The following CUX1 variants were observed in gnomAD, a reference collection of about 807,000 sequenced individuals.
The protein encoded by CUX1 is cut like homeobox 1, also known as protein CASP.
Under a neutral mutation model 158.8 loss-of-function variants are expected in CUX1, and 31 were observed. The observed-to-expected ratio is 0.20, with a 90% CI of 0.15 to 0.26. The LOEUF (loss-of-function observed/expected upper bound fraction) is 0.26. Ranked by LOEUF, CUX1 falls within the 10% of genes least tolerant of loss-of-function variation. CUX1 has a pLI of 1.00. For synonymous variants in CUX1, 879 were observed against 862.1 expected (o/e 1.02, Z -0.34); for missense variants, 1,589 against 2,014.6 (o/e 0.79, Z 4.04).
Position 102,257,881 on chromosome 7 carries a change from GA to G in CUX1, c.*8850del, listed in dbSNP as rs1176575458. 8,721 of 644,186 alleles carry G rather than the reference GA, an allele frequency of 0.014. 6 individuals are homozygous for G. Among genetic ancestry groups the G allele is most frequent in the Non-Finnish European group, 0.015 (8,037 of 526,944 alleles). The allele number at this position is 644,186 out of a possible 1,614,324, so 39.9% of individuals were successfully genotyped here. On this transcript the variant is annotated 3_prime_UTR_variant, in exon 24 of 24. Transcript: ENST00000292535. ...CCCAATTGACCAAAAAAGAAAAAAGGAAAAAAAAAAAGTCGTCTTTTTTTTT... is the reference window on the plus strand; with the variant it reads ...CCCAATTGACCAAAAAAGAAAAAAGGAAAAAAAAAAGTCGTCTTTTTTTTT...
At chr7:102,277,293 T>C (rs1408235582) in intron 17 of CUX1, among the ~76,000 whole-genome samples, 1 of 151,570 alleles carries the variant, frequency 6.6e-6, no homozygotes, top group Admixed American at 6.6e-5. Flanking sequence ...CAAGACCCTG[T>C]CTCTAAAATA....
chr7:102,176,033 G>A (rs1792279483), intron 10 of CUX1, among the ~76,000 whole-genome samples: 1 of 152,230 alleles, frequency 6.6e-6, no homozygotes, highest in Non-Finnish European at 1.5e-5. Flanking sequence ...TGGTAAATAA[G>A]CCGACAGGAG....
At chr7:102,266,087 C>T (rs1333952656) in intron 14 of CUX1, among the ~76,000 whole-genome samples, 2 of 151,756 alleles carry the variant, frequency 1.3e-5, no homozygotes, top group African/African-American at 4.8e-5. Flanking sequence ...GCTTGTAGTC[C>T]CAGCTGCTCG....
chr7:102,133,454 G>GA (rs1833543702), intron 8 of CUX1, among the ~76,000 whole-genome samples: 3 of 132,330 alleles, frequency 2.3e-5, no homozygotes, highest in African/African-American at 8.3e-5. Context: ...ATTGGACCCA[G>GA]AAAAAAATAC....
chr7:102,076,149 G>A (rs999828620), intron 4 of CUX1, among the ~76,000 whole-genome samples: 7 of 152,168 alleles, frequency 4.6e-5, no homozygotes, highest in Non-Finnish European at 8.8e-5. Context: ...TTGGGAGGCC[G>A]AAGCAGGCAG....
At chr7:101,981,007 A>C (rs535362794) in intron 2 of CUX1, among the ~76,000 whole-genome samples, 73 of 152,270 alleles carry the variant, frequency 4.8e-4, no homozygotes, top group Non-Finnish European at 9.6e-4. Context: ...TTGGTGCAAA[A>C]GTCATTGTGG....
intron 2 of CUX1, among the ~76,000 whole-genome samples, chr7:101,973,020 A>G (rs1445312283): frequency 1.3e-5 from 2 of 152,016 alleles, no homozygotes; most frequent in Non-Finnish European, 2.9e-5. Flanking sequence ...TAAAAATGAC[A>G]CTCGGGTTTT....
In CUX1 at chr7:101,895,620, G is replaced by A. The variant is rs192302540; in HGVS notation, c.31-20495G>A. On this transcript the variant is annotated intron_variant, in intron 1 of 23. Transcript: ENST00000292535. ...CAGCTCTGCATTGCAGCCCCAAAAG[G>A]AGCCTGCATTCTTAAAAGAATTTTA... Among the ~76,000 whole-genome samples, 467 of 152,278 alleles carry A rather than the reference G, an allele frequency of 3.1e-3. 13 individuals are homozygous for A. Among genetic ancestry groups the A allele is most frequent in the Admixed American group, 0.029 (451 of 15,290 alleles).
intron 1 of CUX1, among the ~76,000 whole-genome samples, chr7:101,874,956 A>G (rs1288751068): frequency 6.6e-6 from 1 of 152,168 alleles, no homozygotes; most frequent in African/African-American, 2.4e-5. Context: ...GTTAGACCTC[A>G]TTCCACCCCT....
At chr7:102,112,128 T>C (rs1830960028) in intron 7 of CUX1, 2 of 176,342 alleles carry the variant, frequency 1.1e-5, no homozygotes, top group Non-Finnish European at 2.4e-5. Flanking sequence ...AAAACTCACT[T>C]CTACCCTAAG....
At chr7:101,988,965 G>C (rs1814713205) in intron 2 of CUX1, among the ~76,000 whole-genome samples, 1 of 151,900 alleles carries the variant, frequency 6.6e-6, no homozygotes, top group African/African-American at 2.4e-5. Context: ...TGCCATTCCA[G>C]CCTGGGAAAC....
At position 101,869,749 on chromosome 7, in the gene CUX1, C is replaced by T. The variant is rs1006904709; in HGVS notation, c.31-46366C>T. ...GGGAGCTCACAGGCTGCAGAGGAAG[C>T]GCAGGGGAGGCGCAGGGGAGGCCAG... On this transcript the variant is annotated intron_variant, in intron 1 of 23. Coordinates refer to ENST00000292535, the MANE Select transcript of CUX1 (RefSeq NM_181552.4). This position sits in a 1 kb window ranked among gnomAD's most constrained non-coding sequence, Gnocchi z 4.5. Among the ~76,000 whole-genome samples, 11 of 152,082 alleles carry T rather than the reference C, an allele frequency of 7.2e-5. No homozygotes were observed. Among genetic ancestry groups the T allele is most frequent in the Non-Finnish European group, 7.4e-5 (5 of 67,992 alleles).
chr7:102,274,134 C>A (rs1321459556), intron 15 of CUX1: 15 of 1,066,206 alleles, frequency 1.4e-5, no homozygotes, highest in Non-Finnish European at 1.9e-5. Flanking sequence ...CGGATGGCCC[C>A]ACCCACTCCT....
chr7:101,931,152 G>C (rs1003031004), intron 2 of CUX1, among the ~76,000 whole-genome samples: 1 of 152,190 alleles, frequency 6.6e-6, no homozygotes, highest in East Asian at 1.9e-4. Context: ...TTTTCCATAG[G>C]TGTCCTTATT....
intron 2 of CUX1, among the ~76,000 whole-genome samples, chr7:101,977,931 TC>T (rs1248748306): frequency 2.0e-5 from 3 of 152,060 alleles, no homozygotes; most frequent in Non-Finnish European, 4.4e-5. Flanking sequence ...GTGACTGAGC[TC>T]TTGAGAGCAG....
chr7:101,890,487 G>T (rs1014165380), intron 1 of CUX1, among the ~76,000 whole-genome samples: 1 of 151,896 alleles, frequency 6.6e-6, no homozygotes, highest in Non-Finnish European at 1.5e-5. Flanking sequence ...TGTCCTTCGT[G>T]GGAATCAGCA....
At chr7:102,185,008 T>C (rs1192383428) in intron 11 of CUX1, among the ~76,000 whole-genome samples, 1 of 152,124 alleles carries the variant, frequency 6.6e-6, no homozygotes, top group Non-Finnish European at 1.5e-5. Context: ...GCCTTGGACA[T>C]GAAGTTACCC....
At chr7:101,920,614 A>G (rs1231905419) in intron 2 of CUX1, among the ~76,000 whole-genome samples, 1 of 152,156 alleles carries the variant, frequency 6.6e-6, no homozygotes, top group Non-Finnish European at 1.5e-5. Context: ...ATATCATTAG[A>G]TTAATATATT....
chr7:101,994,789 T>C (rs986850351), intron 2 of CUX1, among the ~76,000 whole-genome samples: 3 of 151,822 alleles, frequency 2.0e-5, no homozygotes, highest in Admixed American at 1.3e-4. Context: ...ATCTCACGTG[T>C]CTAGAAGAGA....
Sources: allele counts gnomAD v4.1 joint callset (sites outside exome capture counted in the v4.1 genomes callset), GRCh38; gene constraint gnomAD v4.1.1; non-coding constraint Gnocchi (gnomAD v3.1); transcripts MANE v1.5; gene names NCBI Gene and HGNC (gene_info 2026-07-23, HGNC 2026-07-21).